The following GALNT17 variants were observed in gnomAD, a reference collection of about 807,000 sequenced individuals.
GALNT17 encodes the protein polypeptide N-acetylgalactosaminyltransferase 17, also known as UDP-GalNAc:polypeptide N-acetylgalactosaminyltransferase-like 3.
A neutral mutation model predicts 63.7 loss-of-function variants in GALNT17; 29 were observed. That is an observed-to-expected ratio of 0.46 (90% confidence interval 0.34 to 0.62). The LOEUF is 0.62. Ranked by LOEUF, GALNT17 falls within the 20% of genes least tolerant of loss-of-function variation. The pLI is 0.01. For missense variants in GALNT17, 603 were observed against 799.6 expected, an observed-to-expected ratio of 0.75 and a Z score of 2.97; for synonymous variants, 305 against 318.3, an observed-to-expected ratio of 0.96 and a Z score of 0.45.
intron 1 of GALNT17, among the ~76,000 whole-genome samples, chr7:71,286,397 T>A (rs1463640156): frequency 6.6e-6 from 1 of 152,246 alleles, no homozygotes; most frequent in African/African-American, 2.4e-5. Context: ...CAAATGATAA[T>A]TACATTTCCC....
In GALNT17 at chr7:71,168,350, G is replaced by A. The variant is rs190664833; in HGVS notation, c.238+35310G>A. Among the ~76,000 whole-genome samples, 686 of 152,218 alleles carry A rather than the reference G, an allele frequency of 4.5e-3. 1 individual carries two copies. The highest frequency in any genetic ancestry group is 0.024 in the Middle Eastern group (7 of 294). On this transcript the variant is annotated intron_variant, in intron 1 of 10. Transcript: ENST00000333538. Reference sequence around the variant, plus strand: ...CCACTTTGGGAGGCCGAGATGGGTGGATCACGAGGTCAGGATTTCAAGACC... The same window carrying A: ...CCACTTTGGGAGGCCGAGATGGGTGAATCACGAGGTCAGGATTTCAAGACC...
chr7:71,526,570 A>G (rs1236076144), intron 5 of GALNT17, among the ~76,000 whole-genome samples: 1 of 151,936 alleles, frequency 6.6e-6, no homozygotes, highest in Non-Finnish European at 1.5e-5. Flanking sequence ...CCCAGGCTGG[A>G]GTGCAGTGGC....
At chr7:71,210,570 A>G (rs1789357268) in intron 1 of GALNT17, among the ~76,000 whole-genome samples, 1 of 152,212 alleles carries the variant, frequency 6.6e-6, no homozygotes, top group Non-Finnish European at 1.5e-5. Flanking sequence ...GAATATTATA[A>G]TTTAACTAAT....
intron 1 of GALNT17, among the ~76,000 whole-genome samples, chr7:71,161,084 C>G: frequency 6.6e-6 from 1 of 152,094 alleles, no homozygotes; most frequent in East Asian, 1.9e-4. Context: ...CAAGTGCTCC[C>G]CAAGCATTGG....
chr7:71,205,749 A>C (rs1051348032), intron 1 of GALNT17, among the ~76,000 whole-genome samples: 8 of 152,206 alleles, frequency 5.3e-5, no homozygotes, highest in Admixed American at 5.2e-4. Flanking sequence ...GTTTCAGGAT[A>C]TTATTGCATC....
At chr7:71,683,186 C>G (rs141138918) in intron 9 of GALNT17, among the ~76,000 whole-genome samples, 28 of 152,288 alleles carry the variant, frequency 1.8e-4, no homozygotes, top group African/African-American at 6.5e-4. Flanking sequence ...GGCTGCTTTC[C>G]GTCAGCTGCT....
chr7:71,571,119 GTACATGCTAGGCTGGAAC>G (rs1423495075), intron 5 of GALNT17, among the ~76,000 whole-genome samples, 148 bp from the exon 6 acceptor site: 31 of 124,392 alleles, frequency 2.5e-4, no homozygotes, highest in Non-Finnish European at 9.9e-5. Context: ...CTGGAACCCA[GTACATGCTAGGCTGGAAC>G]CCAGTACATG....
rs531639918 is a variant in GALNT17, at chr7:71,385,968, G to A, written c.423-2267G>A. Among the ~76,000 whole-genome samples the A allele has an allele frequency of 2.4e-3, 359 of 152,310 alleles. 1 individual carries two copies. Among genetic ancestry groups the A allele is most frequent in the African/African-American group, 8.2e-3 (342 of 41,564 alleles). On this transcript the variant is annotated intron_variant, in intron 2 of 10. Coordinates refer to ENST00000333538, the MANE Select transcript of GALNT17 (RefSeq NM_022479.3). ...TGTAATCCCAGCACTTGGGAAGGCC[G>A]AGGCAGGCAGATCACCTCAGGCCAG...
At chr7:71,308,744 GT>G (rs760443992) in intron 1 of GALNT17, among the ~76,000 whole-genome samples, 324 of 138,714 alleles carry the variant, frequency 2.3e-3, no homozygotes, top group Middle Eastern at 3.7e-3. Context: ...TTTCTCTTTA[GT>G]TTTTTTTTTT....
At chr7:71,531,490 C>T (rs1788720446) in intron 5 of GALNT17, among the ~76,000 whole-genome samples, 1 of 152,188 alleles carries the variant, frequency 6.6e-6, no homozygotes, top group South Asian at 2.1e-4. Flanking sequence ...GTAGTAGTAA[C>T]AATAGTGAAA....
intron 1 of GALNT17, among the ~76,000 whole-genome samples, chr7:71,140,416 T>C (rs1294873896): frequency 6.6e-6 from 1 of 152,196 alleles, no homozygotes; most frequent in Non-Finnish European, 1.5e-5. Flanking sequence ...AGTCCTGTTC[T>C]TGGACAGCCC....
intron 9 of GALNT17, chr7:71,685,829 G>T (rs631479): frequency 2.0e-5 from 3 of 151,888 alleles, no homozygotes; most frequent in African/African-American, 7.3e-5. Context: ...CAGGACAGAC[G>T]CTGTTTAGGC....
At chr7:71,561,812 G>A (rs1789260728) in intron 5 of GALNT17, among the ~76,000 whole-genome samples, 1 of 152,098 alleles carries the variant, frequency 6.6e-6, no homozygotes, top group African/African-American at 2.4e-5. Flanking sequence ...GTGACAAGCA[G>A]GCATCCAAGC....
At chr7:71,684,601 G>A (rs1416608155) in intron 9 of GALNT17, among the ~76,000 whole-genome samples, 1 of 152,114 alleles carries the variant, frequency 6.6e-6, no homozygotes, top group Non-Finnish European at 1.5e-5. Context: ...ATCTGTTTTT[G>A]GTGACATGTT....
intron 6 of GALNT17, among the ~76,000 whole-genome samples, chr7:71,659,800 C>T (rs1457627105): frequency 6.6e-6 from 1 of 152,194 alleles, no homozygotes; most frequent in Non-Finnish European, 1.5e-5. Context: ...CTCTCCTTCA[C>T]AAGGTCATTG....
At chr7:71,606,826 A>T (rs577566992) in intron 6 of GALNT17, among the ~76,000 whole-genome samples, 4 of 152,330 alleles carry the variant, frequency 2.6e-5, no homozygotes, top group Admixed American at 6.5e-5. Flanking sequence ...TCTGGATCAC[A>T]GTTCTCTACA....
At chr7:71,656,756 T>C (rs1216954222) in intron 6 of GALNT17, among the ~76,000 whole-genome samples, 1 of 152,162 alleles carries the variant, frequency 6.6e-6, no homozygotes, top group African/African-American at 2.4e-5. Context: ...TGGTGATGGA[T>C]TGGCTGGCGC....
At chr7:71,577,629 G>C (rs970331227) in intron 6 of GALNT17, among the ~76,000 whole-genome samples, 7 of 152,252 alleles carry the variant, frequency 4.6e-5, no homozygotes, top group Middle Eastern at 3.4e-3. Context: ...AAGCGATTCA[G>C]ACTCTGAGTC....
chr7:71,305,207 G>A (rs1268633510), intron 1 of GALNT17, among the ~76,000 whole-genome samples: 1 of 134,074 alleles, frequency 7.5e-6, no homozygotes, highest in Non-Finnish European at 1.6e-5. Context: ...CCTATTTGGA[G>A]CAAAAATACT....
Sources: allele counts gnomAD v4.1 joint callset (sites outside exome capture counted in the v4.1 genomes callset), GRCh38; gene constraint gnomAD v4.1.1; transcripts MANE v1.5; gene names NCBI Gene and HGNC (gene_info 2026-07-23, HGNC 2026-07-21).